The following KLHL17 variants were observed in gnomAD, a reference collection of about 807,000 sequenced individuals.
KLHL17 encodes kelch-like protein 17.
In KLHL17, 71 loss-of-function variants were observed where a neutral mutation model predicts 64.6. The ratio of observed to expected loss-of-function variants is 1.10; its 90% CI spans 0.91 to 1.34. KLHL17 has a LOEUF of 1.34. Among genes scored for constraint, KLHL17 ranks in the 40% most tolerant of loss-of-function variants. KLHL17 has a pLI of 0.00. For synonymous variants in KLHL17, 612 were observed against 405.4 expected (o/e 1.51, Z -6.12); for missense variants, 1,140 against 935.0 (o/e 1.22, Z -2.86).
At chr1:962,524 G>C (rs1256488816) in intron 5 of KLHL17, 53 bp downstream of exon 5, 1 of 1,598,752 alleles carries the variant, frequency 6.3e-7, no homozygotes, top group African/African-American at 1.3e-5. Context: ...CATGCAGGTG[G>C]CTGAGGGCCT....
chr1:963,148 C>T lies in KLHL17; in HGVS notation c.1082C>T (p.Ala361Val), dbSNP rs1392278414. The change falls in exon 7 of 12, where the codon GCC becomes GTC. Residue 361 changes from alanine (A) to valine (V), a missense_variant. Physicochemically the swap from Ala to Val is moderately conservative, Grantham distance 64 (BLOSUM62 0). Transcript: ENST00000338591. Reference protein sequence around the residue: ...SLFAIHGDCEAYDTRTDRWHV... With the variant: ...SLFAIHGDCEVYDTRTDRWHV... The stretch of plus-strand genomic sequence containing the variant: ...TTTGCCATCCACGGAGACTGTGAGG[C>T]CTACGACACGCGCACCGACCGCTGG... 4 of 1,612,000 alleles carry T rather than the reference C, an allele frequency of 2.5e-6. No homozygotes were observed. The highest frequency in any genetic ancestry group is 2.5e-6 in the Non-Finnish European group (3 of 1,179,556).
rs144707534 is a variant in KLHL17, at chr1:963,365, G to A, written c.1216G>A (p.Val406Met). ...TGATGGGACCTCAGACCTGGCTACCGTGGAGTCCTACGACCCCGTGACTAA... is the reference window on the plus strand; with the variant it reads ...TGATGGGACCTCAGACCTGGCTACCATGGAGTCCTACGACCCCGTGACTAA... The part of the protein sequence containing the change: ...GYDGTSDLAT[V>M]ESYDPVTNTW... The change falls in exon 8 of 12, where the codon GTG becomes ATG. Residue 406 changes from valine (V) to methionine (M), a missense_variant. Coordinates refer to ENST00000338591, the MANE Select transcript of KLHL17 (RefSeq NM_198317.3). 53 of 1,611,560 alleles carry A rather than the reference G, an allele frequency of 3.3e-5. No homozygotes were observed. Among genetic ancestry groups the A allele is most frequent in the South Asian group, 9.9e-5 (9 of 91,016 alleles).
chr1:964,220 C>T (rs1295764587), intron 10 of KLHL17, 40 bp downstream of exon 10: 7 of 1,606,292 alleles, frequency 4.4e-6, no homozygotes, highest in Non-Finnish European at 6.0e-6. Flanking sequence ...CTCCCGTGCG[C>T]CGCGGGGCCC....
chr1:960,634 G>A lies in KLHL17; in HGVS notation c.-60G>A, dbSNP rs1253429233. The A allele has an allele frequency of 3.1e-6, 4 of 1,278,594 alleles. No homozygotes were observed. Among genetic ancestry groups the A allele is most frequent in the Non-Finnish European group, 4.0e-6 (4 of 1,003,462 alleles). 79.2% of individuals were successfully genotyped at this position (1,278,594 alleles called of 1,614,324 possible). Reference sequence around the variant, plus strand: ...GCCACCGCCGAGCAGCCCTCCGGCAGTCTCCGCGTCCGTTAAGCCCGCGGG... The same window carrying A: ...GCCACCGCCGAGCAGCCCTCCGGCAATCTCCGCGTCCGTTAAGCCCGCGGG... On this transcript the variant is annotated 5_prime_UTR_variant, in exon 1 of 12. Coordinates refer to ENST00000338591, the MANE Select transcript of KLHL17 (RefSeq NM_198317.3).
Position 963,955 on chromosome 1 carries a change from C to G in KLHL17, c.1391C>G (p.Thr464Arg). ...TACGACCCCCTGACCGGAACGTGGACGTCCGTCGCTGCCATGAGCACCCGG... is the reference window on the plus strand; with the variant it reads ...TACGACCCCCTGACCGGAACGTGGAGGTCCGTCGCTGCCATGAGCACCCGG... ...ERYDPLTGTW[T>R]SVAAMSTRRR... is the part of the protein sequence containing the mutation. Residue 464 changes from threonine (T) to arginine (R), a missense_variant, in exon 9 of 12, where the codon ACG becomes AGG. Coordinates refer to ENST00000338591, the MANE Select transcript of KLHL17 (RefSeq NM_198317.3). 1 of 1,612,540 alleles carries G rather than the reference C, an allele frequency of 6.2e-7. No homozygotes were observed.
In KLHL17 at chr1:965,147, C is replaced by CCGCCATCCTCCCCGA; in HGVS notation, c.1889_1903dup (p.Pro630_Thr634dup). ...GGTGCTGGAGCTGCTCAATTTCCCGCCGCCATCCTCCCCGACGCTGTCCGT... is the reference window on the plus strand; with the variant it reads ...GGTGCTGGAGCTGCTCAATTTCCCGCCGCCATCCTCCCCGACGCCATCCTCCCCGACGCTGTCCGT... On this transcript the variant is annotated inframe_insertion, in exon 12 of 12. Transcript: ENST00000338591. 2 of 1,612,626 alleles carry CCGCCATCCTCCCCGA rather than the reference C, an allele frequency of 1.2e-6. No homozygotes were observed. Among genetic ancestry groups the CCGCCATCCTCCCCGA allele is most frequent in the South Asian group, 2.2e-5 (2 of 91,078 alleles).
At chr1:960,900 G>A in intron 1 of KLHL17, 100 bp downstream of exon 1, 1 of 840,048 alleles carries the variant, frequency 1.2e-6, no homozygotes, top group African/African-American at 1.8e-5. Context: ...GCTTCCGAGG[G>A]CCGGGGGAGG....
At chr1:964,820 G>A (rs1312097220) in intron 11 of KLHL17, 143 bp from the exon 12 acceptor site, 2 of 616,362 alleles carry the variant, frequency 3.2e-6, no homozygotes, top group South Asian at 1.9e-5. Context: ...GGAGGGGGGC[G>A]CGGGTCCGCA....
Position 961,496 on chromosome 1 carries a change from G to A in KLHL17, c.311G>A (p.Arg104His). 1 of 1,612,550 alleles carries A rather than the reference G, an allele frequency of 6.2e-7. No individual in the cohort carries two copies. Among genetic ancestry groups the A allele is most frequent in the Non-Finnish European group, 8.5e-7 (1 of 1,179,934 alleles). The change falls in exon 2 of 12, where the codon CGT (arginine) becomes CAT (histidine). Residue 104 changes from arginine to histidine, a missense_variant. By Grantham distance (29) the Arg-to-His change is conservative (BLOSUM62 0). Coordinates refer to ENST00000338591, the MANE Select transcript of KLHL17 (RefSeq NM_198317.3). ...IVLHVAAKEIRAHKVVLASCS... is the reference protein window; with the variant it reads ...IVLHVAAKEIHAHKVVLASCS... ...CTGCACGTGGCTGCCAAGGAGATCC[G>A]TGCGCACAAAGTGGTGCTGGCCTCC...
rs1385291230 is a variant in KLHL17, at chr1:965,132, C to T, written c.1870C>T (p.Leu624=). Residue 624 remains leucine, a synonymous_variant, in exon 12 of 12, where the codon CTG becomes TTG. Coordinates refer to ENST00000338591, the MANE Select transcript of KLHL17 (RefSeq NM_198317.3). The stretch of plus-strand genomic sequence containing the variant: ...CAGTGTGGGTGTGGCGGTGCTGGAG[C>T]TGCTCAATTTCCCGCCGCCATCCTC... The part of the protein sequence containing the change: ...RSSVGVAVLE[L]LNFPPPSSPT... 3.1e-6 allele frequency: 5 copies of T among 1,612,462 alleles called. No individual in the cohort carries two copies. The highest frequency in any genetic ancestry group is 1.1e-5 in the South Asian group (1 of 91,080).
chr1:960,965 C>T, intron 1 of KLHL17, 165 bp downstream of exon 1: 5 of 411,720 alleles, frequency 1.2e-5, no homozygotes, highest in Non-Finnish European at 1.6e-5. Flanking sequence ...CACCCGCGCC[C>T]CGCGCGCCCA....
In KLHL17 at chr1:961,712, T is replaced by C. The variant is rs746579095; in HGVS notation, c.451T>C (p.Tyr151His). 6.2e-7 allele frequency: 1 copy of C among 1,612,268 alleles called. No individual in the cohort carries two copies. The highest frequency in any genetic ancestry group is 8.5e-7 in the Non-Finnish European group (1 of 1,179,510). Reference sequence around the variant, plus strand: ...CTTGGACCAGCTGGTGCAGTTTGCCTACACGGCTGAGATTGTGGTGGGCGA... The same window carrying C: ...CTTGGACCAGCTGGTGCAGTTTGCCCACACGGCTGAGATTGTGGTGGGCGA... Reference protein sequence around the residue: ...QALDQLVQFAYTAEIVVGEGN... With the variant: ...QALDQLVQFAHTAEIVVGEGN... The change falls in exon 3 of 12, where the codon TAC (tyrosine) becomes CAC (histidine). Residue 151 changes from tyrosine (Y) to histidine (H), a missense_variant. Tyr to His is a moderately conservative substitution (Grantham distance 83, BLOSUM62 2). Transcript: ENST00000338591.
Position 964,825 on chromosome 1 carries a change from T to C in KLHL17, c.1701-138T>C, listed in dbSNP as rs4970436. The C allele has an allele frequency of 5.3e-3, 2,071 of 391,810 alleles. 464 individuals are homozygous for C. The highest frequency in any genetic ancestry group is 3.7e-3 in the South Asian group (97 of 26,330). The allele number at this position is 391,810 out of a possible 1,614,324, so 24.3% of individuals were successfully genotyped here. ...TGTGCTGCCGGGAGGGGGGCGCGGG[T>C]CCGCAGTGGGGATGTGCTGTGAGAA... On this transcript the variant is annotated intron_variant, in intron 11 of 11. Transcript: ENST00000338591.
At position 962,353 on chromosome 1, in the gene KLHL17, A is replaced by C; in HGVS notation, c.712-2A>C. The C allele has an allele frequency of 6.2e-7, 1 of 1,612,516 alleles. No individual in the cohort carries two copies. The highest frequency in any genetic ancestry group is 8.5e-7 in the Non-Finnish European group (1 of 1,179,830). On this transcript the variant is annotated splice_acceptor_variant, in intron 4 of 11. Coordinates refer to ENST00000338591, the MANE Select transcript of KLHL17 (RefSeq NM_198317.3). LOFTEE classifies it high-confidence loss of function. ...CTCAGGTCTGAGGACCCCCACTCCCAGGTTCTGGAACTGGTCTCTAGCGAC... is the reference window on the plus strand; with the variant it reads ...CTCAGGTCTGAGGACCCCCACTCCCCGGTTCTGGAACTGGTCTCTAGCGAC...
chr1:960,887 G>A (rs1642608395), intron 1 of KLHL17, 87 bp downstream of exon 1: 10 of 922,398 alleles, frequency 1.1e-5, no homozygotes, highest in Non-Finnish European at 1.2e-5. Context: ...AGGGGCGGGG[G>A]CCGCTTCCGA....
Position 965,037 on chromosome 1 carries a change from A to G in KLHL17, c.1775A>G (p.Asn592Ser). Residue 592 changes from asparagine to serine, a missense_variant, in exon 12 of 12, where the codon AAC (asparagine) becomes AGC (serine). Asn to Ser is a conservative substitution (Grantham distance 46, BLOSUM62 1). Transcript: ENST00000338591. Reference sequence around the variant, plus strand: ...GGTAACGACGGTAGCTCCAGCCTCAACTCCATCGAGAAGTACAACCCGAGG... The same window carrying G: ...GGTAACGACGGTAGCTCCAGCCTCAGCTCCATCGAGAAGTACAACCCGAGG... ...VGGNDGSSSL[N>S]SIEKYNPRTN... The G allele has an allele frequency of 6.2e-7, 1 of 1,612,416 alleles. No homozygotes were observed. Among genetic ancestry groups the G allele is most frequent in the Non-Finnish European group, 8.5e-7 (1 of 1,179,772 alleles).
In KLHL17 at chr1:962,480, CGGCCGCGGGGGGCTCCCACAG is replaced by C. The variant is rs779004334; in HGVS notation, c.828+10_828+30del. ...GGCAGCATGTCCCACGGGTGAGGCG[CGGCCGCGGGGGGCTCCCACAG>C]CATCCAGGAGGGCATGCAGGTGGCT... On this transcript the variant is annotated intron_variant, in intron 5 of 11. Coordinates refer to ENST00000338591, the MANE Select transcript of KLHL17 (RefSeq NM_198317.3). 22 of 1,611,744 alleles carry C rather than the reference CGGCCGCGGGGGGCTCCCACAG, an allele frequency of 1.4e-5. No individual in the cohort carries two copies. Among genetic ancestry groups the C allele is most frequent in the Non-Finnish European group, 1.8e-5 (21 of 1,179,496 alleles).
At chr1:962,661 T>C (rs1446336634) in intron 5 of KLHL17, 43 bp from the exon 6 acceptor site, 1 of 1,545,458 alleles carries the variant, frequency 6.5e-7, no homozygotes. Flanking sequence ...ACGCCCAGTG[T>C]GCCCGAGGGT....
rs111590372 is a variant in KLHL17, at chr1:962,485, G to T, written c.828+14G>T. ...CATGTCCCACGGGTGAGGCGCGGCCGCGGGGGGCTCCCACAGCATCCAGGA... is the reference window on the plus strand; with the variant it reads ...CATGTCCCACGGGTGAGGCGCGGCCTCGGGGGGCTCCCACAGCATCCAGGA... On this transcript the variant is annotated intron_variant, in intron 5 of 11. Coordinates refer to ENST00000338591, the MANE Select transcript of KLHL17 (RefSeq NM_198317.3). 2.6e-5 allele frequency: 42 copies of T among 1,611,112 alleles called. No homozygotes were observed. Among genetic ancestry groups the T allele is most frequent in the Non-Finnish European group, 4.2e-6 (5 of 1,179,254 alleles).
Sources: gnomAD v4.1 joint callset for allele counts on GRCh38, gnomAD v4.1.1 for gene constraint, MANE v1.5 for transcripts, NCBI Gene and HGNC (gene_info 2026-07-23, HGNC 2026-07-21) for gene names.